Variants in RTEL1 observed in about 807,000 individuals in gnomAD.
The protein encoded by RTEL1 is regulator of telomere elongation helicase 1, also known as regulator of telomere length.
Under a neutral mutation model 162.2 loss-of-function variants are expected in RTEL1, and 86 were observed. That is an observed-to-expected ratio of 0.53 (90% confidence interval 0.45 to 0.63). The LOEUF is 0.63. Among genes scored for constraint, RTEL1 ranks in the 30% least tolerant of loss-of-function variants. The pLI, the probability that RTEL1 is intolerant of heterozygous loss-of-function variation, is 0.00. For synonymous variants in RTEL1, 958 were observed against 717.9 expected (o/e 1.33, Z -5.35); for missense variants, 1,941 against 1,750.2 (o/e 1.11, Z -1.95).
At chr20:63,662,459 C>T (rs748391585) in intron 4 of RTEL1, 87 bp from the exon 5 acceptor site, 3 of 1,584,480 alleles carry the variant, frequency 1.9e-6, no homozygotes, top group Non-Finnish European at 8.6e-7. Flanking sequence ...GAGGCTCCTG[C>T]GTGTCTCCAT....
At chr20:63,663,618 G>A (rs1181021843) in intron 6 of RTEL1, among the ~76,000 whole-genome samples, 3 of 152,188 alleles carry the variant, frequency 2.0e-5, no homozygotes, top group Admixed American at 6.5e-5. Flanking sequence ...GTGCACCCCC[G>A]TTGGCTGCCC....
At chr20:63,667,608 C>A in intron 8 of RTEL1, 55 bp downstream of exon 8, 2 of 1,422,876 alleles carry the variant, frequency 1.4e-6, no homozygotes, top group Non-Finnish European at 2.0e-6. Flanking sequence ...TGTCCCTGGG[C>A]TTGGGAACAG....
In RTEL1 at chr20:63,693,187, G is replaced by T; in HGVS notation, c.2896G>T (p.Glu966Ter). 3.1e-6 allele frequency: 5 copies of T among 1,612,172 alleles called. No individual in the cohort carries two copies. The highest frequency in any genetic ancestry group is 4.2e-6 in the Non-Finnish European group (5 of 1,179,554). ...GCCCCACCATAAGCAGCAGTTTGAG[G>T]AGGTCTGTATCCAGCTGACAGGACG... ...VRPHHKQQFE[E>*]VCIQLTGRGC... Residue 966 changes from glutamate (E) to a stop codon, truncating the protein, a stop_gained, in exon 30 of 35, where the codon GAG (glutamate) becomes TAG (stop). Coordinates refer to ENST00000360203, the MANE Select transcript of RTEL1 (RefSeq NM_001283009.2). LOFTEE classifies it high-confidence loss of function.
chr20:63,678,114 A>C, intron 10 of RTEL1, 31 bp from the exon 11 acceptor site: 1 of 1,614,056 alleles, frequency 6.2e-7, no homozygotes. Flanking sequence ...AGCGTGATGC[A>C]GACTGCCTTT....
rs371889959 is a variant in RTEL1, at chr20:63,685,506, C to T, written c.1192-17C>T. ...GCCTCAGGCTCCTGACGGGGCTGCACTTCCTCTGCCTTTCAGATTGTGTTC... is the reference window on the plus strand; with the variant it reads ...GCCTCAGGCTCCTGACGGGGCTGCATTTCCTCTGCCTTTCAGATTGTGTTC... On this transcript the variant is annotated splice_polypyrimidine_tract_variant and intron_variant, in intron 14 of 34. Coordinates refer to ENST00000360203, the MANE Select transcript of RTEL1 (RefSeq NM_001283009.2). The T allele has an allele frequency of 6.2e-6, 10 of 1,611,292 alleles. No individual in the cohort carries two copies. Among genetic ancestry groups the T allele is most frequent in the African/African-American group, 2.7e-5 (2 of 74,774 alleles).
chr20:63,693,862 C>G (rs1455062214), intron 30 of RTEL1, among the ~76,000 whole-genome samples: 1 of 149,556 alleles, frequency 6.7e-6, no homozygotes, highest in Non-Finnish European at 1.5e-5. Context: ...CCCTGTCCAA[C>G]TGCCACACGT....
chr20:63,685,375 T>C (rs1413900966), intron 14 of RTEL1, 148 bp from the exon 15 acceptor site: 17 of 773,068 alleles, frequency 2.2e-5, no homozygotes, highest in Non-Finnish European at 3.3e-5. Context: ...TGCCAGCTCC[T>C]GTCCATTGGC....
chr20:63,661,941 C>T lies in RTEL1; in HGVS notation c.393C>T (p.Tyr131=), dbSNP rs1026158211. 26 of 1,613,422 alleles carry T rather than the reference C, an allele frequency of 1.6e-5. No homozygotes were observed. In the Admixed American group the frequency reaches 2.7e-4, roughly 17 times the overall value. The change falls in exon 4 of 35, where the codon TAC becomes TAT. Residue 131 remains tyrosine, a splice_region_variant and synonymous_variant. Transcript: ENST00000360203. The surrounding 1 kb of genome is among the most constrained non-coding windows in gnomAD (Gnocchi z 5.1). ...QVINELRNTS[Y]RPKVCVLGSR... ...TCAACGAGCTTCGGAACACCTCCTA[C>T]CGGTGGGTCAGACGAGTTTACACCT...
At chr20:63,689,701 C>T (rs376353873) in intron 23 of RTEL1, 49 bp from the exon 24 acceptor site, 38 of 1,603,180 alleles carry the variant, frequency 2.4e-5, no homozygotes, top group African/African-American at 5.4e-5. Context: ...ACTGAGCCCC[C>T]GCCCCGTGGC....
chr20:63,685,974 C>A lies in RTEL1; in HGVS notation c.1348+102C>A, dbSNP rs376712640. On this transcript the variant is annotated intron_variant, in intron 16 of 34. Coordinates refer to ENST00000360203, the MANE Select transcript of RTEL1 (RefSeq NM_001283009.2). Reference sequence around the variant, plus strand: ...TGCCCAGCCGTGGATCTCCTGCCCCCATGGGCCTGGCCACCTTCTCCATAT... The same window carrying A: ...TGCCCAGCCGTGGATCTCCTGCCCCAATGGGCCTGGCCACCTTCTCCATAT... The A allele has an allele frequency of 1.2e-4, 136 of 1,139,950 alleles. 1 individual carries two copies. In the South Asian group the frequency reaches 1.7e-3, roughly 14 times the overall value. 70.6% of individuals were successfully genotyped at this position (1,139,950 alleles called of 1,614,324 possible). A position where few individuals can be genotyped will look rare whatever the true frequency, so the allele number is the denominator to read the frequency against.
chr20:63,689,048 C>A lies in RTEL1; in HGVS notation c.1801-7C>A. The stretch of plus-strand genomic sequence containing the variant: ...TCCAGGCTCAGCCTCACCAACTTTC[C>A]TTCCAGACCATCAGTGCTTACTATG... On this transcript the variant is annotated splice_polypyrimidine_tract_variant and splice_region_variant and intron_variant, in intron 21 of 34. Transcript: ENST00000360203. 1 of 1,610,438 alleles carries A rather than the reference C, an allele frequency of 6.2e-7. No homozygotes were observed.
At chr20:63,672,777 C>T (rs1458719119) in intron 9 of RTEL1, among the ~76,000 whole-genome samples, 156 bp downstream of exon 9, 3 of 152,242 alleles carry the variant, frequency 2.0e-5, no homozygotes, top group African/African-American at 7.2e-5. Context: ...GCCACCCCCT[C>T]CCGCCCTGAT....
chr20:63,695,893 C>T lies in RTEL1; in HGVS notation c.*35C>T, dbSNP rs1380748606. ...GAGGCCCCCAGCACACCCAACGTGG[C>T]TTGATCACCTGCCTGTCCAGCTCTG... is the stretch of plus-strand genomic sequence containing the variant. On this transcript the variant is annotated 3_prime_UTR_variant, in exon 35 of 35. Coordinates refer to ENST00000360203, the MANE Select transcript of RTEL1 (RefSeq NM_001283009.2). 3.2e-6 allele frequency: 5 copies of T among 1,542,230 alleles called. No homozygotes were observed. Among genetic ancestry groups the T allele is most frequent in the African/African-American group, 1.4e-5 (1 of 73,556 alleles).
At chr20:63,660,618 TTA>T (rs1376590919) in intron 2 of RTEL1, 2 of 152,772 alleles carry the variant, frequency 1.3e-5, no homozygotes, top group Non-Finnish European at 2.9e-5. Context: ...ATGGAGTGTG[TTA>T]TGTCTTCCCT....
At chr20:63,679,297 C>T (rs2090434720) in intron 12 of RTEL1, among the ~76,000 whole-genome samples, 1 of 152,210 alleles carries the variant, frequency 6.6e-6, no homozygotes, top group African/African-American at 2.4e-5. Flanking sequence ...GGTGGAGCCA[C>T]TGTCCTCAGC....
intron 8 of RTEL1, among the ~76,000 whole-genome samples, chr20:63,671,950 C>T (rs917003207): frequency 5.3e-5 from 8 of 152,076 alleles, no homozygotes; most frequent in African/African-American, 1.4e-4. Context: ...GTGACACAAT[C>T]TCGGCTCACA....
chr20:63,693,300 G>C lies in RTEL1; in HGVS notation c.2992+17G>C. 3 of 1,611,052 alleles carry C rather than the reference G, an allele frequency of 1.9e-6. No individual in the cohort carries two copies. Among genetic ancestry groups the C allele is most frequent in the Non-Finnish European group, 2.5e-6 (3 of 1,179,192 alleles). ...ACCCCACTGGTAAATGGGGCCCCAG[G>C]TGGGACCCTCAGACTCCTGCGTGGA... On this transcript the variant is annotated intron_variant, in intron 30 of 34. Transcript: ENST00000360203.
At position 63,668,697 on chromosome 20, in the gene RTEL1, T is replaced by C. The variant is rs892656343; in HGVS notation, c.699+1144T>C. Among the ~76,000 whole-genome samples, 84 of 152,088 alleles carry C rather than the reference T, an allele frequency of 5.5e-4. 1 individual carries two copies. Among genetic ancestry groups the C allele is most frequent in the Non-Finnish European group, 1.0e-4 (7 of 68,018 alleles). ...CGTGGTTGTGGGTGACTCGGTGCTT[T>C]GAGCCCTGGCTGCCCCTGGGAACCA... On this transcript the variant is annotated intron_variant, in intron 8 of 34. Coordinates refer to ENST00000360203, the MANE Select transcript of RTEL1 (RefSeq NM_001283009.2). The surrounding 1 kb of genome is among the most constrained non-coding windows in gnomAD (Gnocchi z 4.3).
At chr20:63,676,189 A>T (rs1468964742) in intron 10 of RTEL1, among the ~76,000 whole-genome samples, 1 of 151,896 alleles carries the variant, frequency 6.6e-6, no homozygotes, top group Non-Finnish European at 1.5e-5. Flanking sequence ...GGCTCAAGTG[A>T]TCCTCCTGCC....
Sources: gnomAD v4.1 joint callset for allele counts (sites outside exome capture counted in the v4.1 genomes callset) on GRCh38, gnomAD v4.1.1 for gene constraint, Gnocchi (gnomAD v3.1) non-coding constraint, MANE v1.5 for transcripts, NCBI Gene and HGNC (gene_info 2026-07-23, HGNC 2026-07-21) for gene names.